The following NCKAP5L variants were observed in gnomAD, a reference collection of about 807,000 sequenced individuals.
The protein encoded by NCKAP5L is NCK associated protein 5 like, also known as nck-associated protein 5-like.
Under a neutral mutation model 103.2 loss-of-function variants are expected in NCKAP5L, and 54 were observed. The ratio of observed to expected loss-of-function variants is 0.52; its 90% CI spans 0.42 to 0.66. NCKAP5L has a LOEUF of 0.66. NCKAP5L is among the 30% of genes least tolerant of loss of function. The pLI is 0.00. For synonymous variants in NCKAP5L, 762 were observed against 748.6 expected (o/e 1.02, Z -0.29); for missense variants, 1,733 against 1,750.6 (o/e 0.99, Z 0.18).
At position 49,795,497 on chromosome 12, in the gene NCKAP5L, G is replaced by A; in HGVS notation, c.2363C>T (p.Pro788Leu). 5 of 1,533,174 alleles carry A rather than the reference G, an allele frequency of 3.3e-6. No homozygotes were observed. Among genetic ancestry groups the A allele is most frequent in the Non-Finnish European group, 4.4e-6 (5 of 1,145,286 alleles). The allele number at this position is 1,533,174 out of a possible 1,614,324, so 95.0% of individuals were successfully genotyped here. Residue 788 changes from proline to leucine, a missense_variant, in exon 8 of 13, where the codon CCC (proline) becomes CTC (leucine). By Grantham distance (98) the Pro-to-Leu change is moderately conservative. Transcript: ENST00000335999. ...TTTGGCAGGGGTACGGGGTACCTGGGGGCACAGGGCCCCTGCCAGCCGGCT... is the reference window on the plus strand; with the variant it reads ...TTTGGCAGGGGTACGGGGTACCTGGAGGCACAGGGCCCCTGCCAGCCGGCT... ...AKSRLAGALC[P>L]QVPRTPAKVP...
Position 49,801,789 on chromosome 12 carries a change from G to A in NCKAP5L, c.351+59C>T, listed in dbSNP as rs12301155. On this transcript the variant is annotated intron_variant, in intron 6 of 12. Transcript: ENST00000335999. ...CACGTGAGAAGACAGTGATGGGGCC[G>A]ATGGAGCCGAGGAGGCAGGAGGCAG... 194 of 1,600,304 alleles carry A rather than the reference G, an allele frequency of 1.2e-4. No individual in the cohort carries two copies. In the African/African-American group the frequency reaches 1.9e-3, roughly 16 times the overall value.
Position 49,791,984 on chromosome 12 carries a change from G to A in NCKAP5L, c.3860C>T (p.Pro1287Leu), listed in dbSNP as rs752443989. ...GCTGGGGGTGCGGCTACCCCCGAAA[G>A]GTGGGCCCTGGGGCGTAGGGGACGG... is the stretch of plus-strand genomic sequence containing the variant. ...SRPSPTPQGPPFGGSRTPSTS... is the reference protein window; with the variant it reads ...SRPSPTPQGPLFGGSRTPSTS... The change falls in exon 13 of 13, where the codon CCT (proline) becomes CTT (leucine). Residue 1287 changes from proline to leucine, a missense_variant. Pro to Leu is a moderately conservative substitution (Grantham distance 98). Transcript: ENST00000335999. 27 of 1,606,964 alleles carry A rather than the reference G, an allele frequency of 1.7e-5. No individual in the cohort carries two copies. Among genetic ancestry groups the A allele is most frequent in the Non-Finnish European group, 2.2e-5 (26 of 1,176,872 alleles).
intron 8 of NCKAP5L, among the ~76,000 whole-genome samples, 158 bp downstream of exon 8, chr12:49,794,607 C>CCA (rs1555147592): frequency 3.4e-5 from 4 of 117,680 alleles, no homozygotes; most frequent in African/African-American, 1.6e-4. Context: ...AGTCACTGAC[C>CCA]CCCCCACCAG....
At chr12:49,799,253 A>C (rs1177184439) in intron 6 of NCKAP5L, among the ~76,000 whole-genome samples, 1 of 151,938 alleles carries the variant, frequency 6.6e-6, no homozygotes, top group Non-Finnish European at 1.5e-5. Context: ...TCCTGTGCAC[A>C]AGAGAACCTC....
Position 49,792,150 on chromosome 12 carries a change from G to A in NCKAP5L, c.3793-99C>T. Reference sequence around the variant, plus strand: ...GAGGGGCGTCTGTGCACCTGATGGGGGGCTGCTCCAGAGGGGGCCCAAGGT... The same window carrying A: ...GAGGGGCGTCTGTGCACCTGATGGGAGGCTGCTCCAGAGGGGGCCCAAGGT... On this transcript the variant is annotated intron_variant, in intron 12 of 12. Coordinates refer to ENST00000335999, the MANE Select transcript of NCKAP5L (RefSeq NM_001037806.4). The surrounding 1 kb of genome is among the most constrained non-coding windows in gnomAD (Gnocchi z 4.5). 3 of 1,192,966 alleles carry A rather than the reference G, an allele frequency of 2.5e-6. No homozygotes were observed. The highest frequency in any genetic ancestry group is 3.5e-6 in the Non-Finnish European group (3 of 861,662). The allele number at this position is 1,192,966 out of a possible 1,614,324, so 73.9% of individuals were successfully genotyped here. A position where few individuals can be genotyped will look rare whatever the true frequency, so the allele number is the denominator to read the frequency against.
intron 1 of NCKAP5L, among the ~76,000 whole-genome samples, chr12:49,813,095 C>T (rs1250403663): frequency 6.6e-6 from 1 of 151,846 alleles, no homozygotes; most frequent in African/African-American, 2.4e-5. Flanking sequence ...TTGGTTGGAC[C>T]CTGCAAATGT....
intron 6 of NCKAP5L, 92 bp from the exon 7 acceptor site, chr12:49,798,555 C>T: frequency 1.7e-5 from 18 of 1,073,380 alleles, no homozygotes; most frequent in Non-Finnish European, 2.3e-5. Context: ...TGAGTCCGCT[C>T]CTTCACGGAG....
intron 1 of NCKAP5L, among the ~76,000 whole-genome samples, chr12:49,824,275 G>A (rs534888140): frequency 3.9e-5 from 6 of 152,354 alleles, no homozygotes; most frequent in Admixed American, 2.6e-4. Flanking sequence ...AGGCACCACA[G>A]GGTAAGTGAG....
At chr12:49,794,720 G>A (rs1391957393) in intron 8 of NCKAP5L, 45 bp downstream of exon 8, 1 of 1,394,722 alleles carries the variant, frequency 7.2e-7, no homozygotes, top group Non-Finnish European at 9.5e-7. Flanking sequence ...AGGGAAAAGT[G>A]CCCCAAGCCC....
chr12:49,807,370 A>G (rs984856219), intron 1 of NCKAP5L, among the ~76,000 whole-genome samples: 6 of 152,016 alleles, frequency 3.9e-5, no homozygotes, highest in African/African-American at 1.2e-4. Flanking sequence ...ACAGGGTCTC[A>G]CCTCACTGCC....
intron 6 of NCKAP5L, 64 bp downstream of exon 6, chr12:49,801,784 G>A (rs1207789031): frequency 1.9e-6 from 3 of 1,594,772 alleles, no homozygotes; most frequent in South Asian, 1.1e-5. Context: ...GACAGTGATG[G>A]GGCCGATGGA....
rs766675424 is a variant in NCKAP5L, at chr12:49,795,876, G to A, written c.1984C>T (p.Arg662Trp). 5.1e-6 allele frequency: 8 copies of A among 1,554,322 alleles called. No homozygotes were observed. The highest frequency in any genetic ancestry group is 2.1e-5 in the Admixed American group (1 of 47,580). The part of the protein sequence containing the change: ...RPGDPGSTPL[R>W]DRLAALGKLK... The stretch of plus-strand genomic sequence containing the variant: ...TTCCCCAGGGCCGCCAGTCTGTCCC[G>A]CAGAGGTGTGCTGCCAGGATCCCCA... The change falls in exon 8 of 13, where the codon CGG becomes TGG. Residue 662 changes from arginine to tryptophan, a missense_variant. Coordinates refer to ENST00000335999, the MANE Select transcript of NCKAP5L (RefSeq NM_001037806.4).
chr12:49,792,665 C>A lies in NCKAP5L; in HGVS notation c.3649+13G>T. 1 of 1,613,090 alleles carries A rather than the reference C, an allele frequency of 6.2e-7. No individual in the cohort carries two copies. On this transcript the variant is annotated intron_variant, in intron 11 of 12. Coordinates refer to ENST00000335999, the MANE Select transcript of NCKAP5L (RefSeq NM_001037806.4). The surrounding 1 kb of genome is among the most constrained non-coding windows in gnomAD (Gnocchi z 4.5). ...TGCCCAGGGGCATCCCACCCTCCCA[C>A]CTGGACACTCACCATCAGGACAGGT...
chr12:49,827,337 C>T (rs1946429242), intron 1 of NCKAP5L, among the ~76,000 whole-genome samples: 1 of 152,204 alleles, frequency 6.6e-6, no homozygotes, highest in African/African-American at 2.4e-5. Flanking sequence ...AGCCCAAGAC[C>T]CCCAGCTCCT....
In NCKAP5L at chr12:49,796,708, A is replaced by G. The variant is rs1946052306; in HGVS notation, c.1152T>C (p.Gly384=). The change falls in exon 8 of 13, where the codon GGT becomes GGC. Residue 384 remains glycine (G), a synonymous_variant. Coordinates refer to ENST00000335999, the MANE Select transcript of NCKAP5L (RefSeq NM_001037806.4). Reference sequence around the variant, plus strand: ...AGCCTGGCCTGTGGGCCTCTGGGGTACCCCCACCCCAAGCTGACTTGGGGA... The same window carrying G: ...AGCCTGGCCTGTGGGCCTCTGGGGTGCCCCCACCCCAAGCTGACTTGGGGA... ...KGLPKSAWGG[G]TPEAHRPGFG... 1 of 1,601,340 alleles carries G rather than the reference A, an allele frequency of 6.2e-7. No homozygotes were observed. The highest frequency in any genetic ancestry group is 1.1e-5 in the South Asian group (1 of 89,900).
At chr12:49,822,510 A>G (rs1946371696) in intron 1 of NCKAP5L, among the ~76,000 whole-genome samples, 1 of 151,992 alleles carries the variant, frequency 6.6e-6, no homozygotes, top group Non-Finnish European at 1.5e-5. Context: ...AAACTAATAA[A>G]TGATTATGGG....
rs1474541087 is a variant in NCKAP5L at position 49,796,085 on chromosome 12, G to A, written c.1775C>T (p.Pro592Leu). 2.5e-6 allele frequency: 4 copies of A among 1,601,892 alleles called. No individual in the cohort carries two copies. The highest frequency in any genetic ancestry group is 1.7e-5 in the Admixed American group (1 of 58,138). The change falls in exon 8 of 13, where the codon CCA (proline) becomes CTA (leucine). Residue 592 changes from proline to leucine, a missense_variant. By Grantham distance (98) the Pro-to-Leu change is moderately conservative (BLOSUM62 -3). Coordinates refer to ENST00000335999, the MANE Select transcript of NCKAP5L (RefSeq NM_001037806.4). ...PTYPQLTLEVPQAPEVLRSPG... is the reference protein window; with the variant it reads ...PTYPQLTLEVLQAPEVLRSPG... ...GCTTCTGAGGACCTCAGGGGCCTGTGGTACCTCCAGAGTTAGCTGTGGGTA... is the reference window on the plus strand; with the variant it reads ...GCTTCTGAGGACCTCAGGGGCCTGTAGTACCTCCAGAGTTAGCTGTGGGTA...
At chr12:49,803,887 T>C (rs758397112) in intron 3 of NCKAP5L, 35 bp downstream of exon 3, 2 of 1,596,006 alleles carry the variant, frequency 1.3e-6, no homozygotes, top group Non-Finnish European at 1.7e-6. Flanking sequence ...GGGCTCTGGC[T>C]GGCACTGCTG....
chr12:49,797,003 G>T lies in NCKAP5L; in HGVS notation c.857C>A (p.Thr286Asn). 1 of 1,587,214 alleles carries T rather than the reference G, an allele frequency of 6.3e-7. No individual in the cohort carries two copies. The highest frequency in any genetic ancestry group is 8.6e-7 in the Non-Finnish European group (1 of 1,167,362). ...TGGGGCACAGTTTGGGCCAGAGCTG[G>T]TGCCCTGGGCCTGAGGAGGTCCCCT... ...PSRGPPQAQG[T>N]SSGPNCAPGS... Residue 286 changes from threonine (T) to asparagine (N), a missense_variant, in exon 8 of 13, where the codon ACC (threonine) becomes AAC (asparagine). Transcript: ENST00000335999. The surrounding 1 kb of genome is among the most constrained non-coding windows in gnomAD (Gnocchi z 4.5).
Sources: gnomAD v4.1 joint callset for allele counts (sites outside exome capture counted in the v4.1 genomes callset) on GRCh38, gnomAD v4.1.1 for gene constraint, Gnocchi (gnomAD v3.1) non-coding constraint, MANE v1.5 for transcripts, NCBI Gene and HGNC (gene_info 2026-07-23, HGNC 2026-07-21) for gene names.